COPG2: variants seen among roughly 807,000 people sequenced by gnomAD.
The protein encoded by COPG2 is coatomer subunit gamma-2.
Under a neutral mutation model 46.3 loss-of-function variants are expected in COPG2, and 37 were observed. The ratio of observed to expected loss-of-function variants is 0.80; its 90% CI spans 0.61 to 1.05. COPG2 has a LOEUF of 1.05. COPG2 is among the 50% of genes least tolerant of loss of function. The pLI, the probability that COPG2 is intolerant of heterozygous loss-of-function variation, is 0.00. For missense variants in COPG2, 427 were observed against 387.8 expected, an observed-to-expected ratio of 1.10 and a Z score of -0.85; for synonymous variants, 159 against 129.7, an observed-to-expected ratio of 1.23 and a Z score of -1.53.
rs77156422 is a variant in COPG2 at position 130,662,732 on chromosome 7, G to A, written c.243+235C>T. ...CCACCTTCACAGTGTCATGCCAGAA[G>A]CTAGGTATTAACAGTCTTTATGACT... On this transcript the variant is annotated intron_variant, in intron 4 of 23. Coordinates refer to ENST00000425248, the MANE Select transcript of COPG2 (RefSeq NM_012133.6). Among the ~76,000 whole-genome samples, 433 of 152,302 alleles carry A rather than the reference G, an allele frequency of 2.8e-3. 1 individual carries two copies. The highest frequency in any genetic ancestry group is 9.0e-3 in the African/African-American group (373 of 41,566).
At chr7:130,651,726 C>T (rs1378462519) in intron 5 of COPG2, among the ~76,000 whole-genome samples, 3 of 151,542 alleles carry the variant, frequency 2.0e-5, no homozygotes, top group Non-Finnish European at 2.9e-5. Flanking sequence ...CCTTGTTAGC[C>T]AGGATGGTCT....
intron 12 of COPG2, among the ~76,000 whole-genome samples, chr7:130,556,355 T>C (rs1284374814): frequency 1.3e-5 from 2 of 152,126 alleles, no homozygotes; most frequent in Non-Finnish European, 2.9e-5. Flanking sequence ...TCTTGTATTA[T>C]AGAAAGGGAA....
At chr7:130,606,238 GAA>G (rs1554451218) in intron 9 of COPG2, among the ~76,000 whole-genome samples, 1 of 124,818 alleles carries the variant, frequency 8.0e-6, no homozygotes, top group African/African-American at 3.0e-5. Context: ...ATAAAAAAAA[GAA>G]AGAGAGAGAG....
intron 9 of COPG2, among the ~76,000 whole-genome samples, chr7:130,585,071 A>G (rs1794238084): frequency 1.3e-5 from 2 of 152,170 alleles, no homozygotes; most frequent in South Asian, 2.1e-4. Context: ...AAATTATACT[A>G]TAAGGCCAGA....
At chr7:130,595,067 T>G (rs577598532) in intron 9 of COPG2, among the ~76,000 whole-genome samples, 13 of 152,202 alleles carry the variant, frequency 8.5e-5, no homozygotes, top group Non-Finnish European at 1.6e-4. Flanking sequence ...CACATGACCA[T>G]TTATAGCAGC....
chr7:130,547,847 T>C lies in COPG2; in HGVS notation c.1978-2A>G. 1 of 398,856 alleles carries C rather than the reference T, an allele frequency of 2.5e-6. No individual in the cohort carries two copies. Among genetic ancestry groups the C allele is most frequent in the African/African-American group, 2.1e-5 (1 of 48,716 alleles). 24.7% of individuals were successfully genotyped at this position (398,856 alleles called of 1,614,324 possible). On this transcript the variant is annotated splice_acceptor_variant, in intron 19 of 23. Transcript: ENST00000425248. LOFTEE classifies it high-confidence loss of function. ...ATTGAGAGTGTTGGTGCAGTCAAAC[T>C]GAAAAGTCAGTAAATGGAAAAGCTG...
chr7:130,558,273 TGTTCTTGTGATAGTAA>T (rs1156245446), intron 12 of COPG2, among the ~76,000 whole-genome samples: 1 of 152,152 alleles, frequency 6.6e-6, no homozygotes, highest in Non-Finnish European at 1.5e-5. Context: ...CTGCTGGTGC[TGTTCTTGTGATAGTAA>T]GTTCTTGTGA....
intron 20 of COPG2, among the ~76,000 whole-genome samples, chr7:130,535,841 A>G (rs1370805132): frequency 6.6e-6 from 1 of 152,088 alleles, no homozygotes; most frequent in Non-Finnish European, 1.5e-5. Flanking sequence ...AATACAGGCT[A>G]GAGAAGACAT....
intron 9 of COPG2, among the ~76,000 whole-genome samples, chr7:130,598,321 A>G (rs1033176295): frequency 6.6e-6 from 1 of 152,194 alleles, no homozygotes; most frequent in Non-Finnish European, 1.5e-5. Context: ...AGGGAGCTAG[A>G]GGTAGAAAGG....
intron 5 of COPG2, among the ~76,000 whole-genome samples, chr7:130,640,431 T>TTTATTA (rs1161743261): frequency 6.6e-6 from 1 of 151,126 alleles, no homozygotes; most frequent in Non-Finnish European, 1.5e-5. Flanking sequence ...AGGGTTGTTA[T>TTTATTA]TTATTATTAT....
chr7:130,553,130 G>A (rs1263191377), intron 14 of COPG2, among the ~76,000 whole-genome samples: 1 of 152,134 alleles, frequency 6.6e-6, no homozygotes, highest in Non-Finnish European at 1.5e-5. Flanking sequence ...AAAATAACAC[G>A]TTCGAATGGC....
At position 130,507,728 on chromosome 7, in the gene COPG2, C is replaced by A; in HGVS notation, c.2343G>T (p.Glu781Asp). ...AACTGAGGGCAAAGGTTTCCTCTTT[C>A]TCAAAGGTATCTCCCACCTCTTCCC... Reference protein sequence around the residue: ...AAWEEVGDTFEKEETFALSST... With the variant: ...AAWEEVGDTFDKEETFALSST... The change falls in exon 22 of 24, where the codon GAG (glutamate) becomes GAT (aspartate). Residue 781 changes from glutamate (E) to aspartate (D), a missense_variant. Coordinates refer to ENST00000425248, the MANE Select transcript of COPG2 (RefSeq NM_012133.6). 1 of 780,514 alleles carries A rather than the reference C, an allele frequency of 1.3e-6. No individual in the cohort carries two copies. Among genetic ancestry groups the A allele is most frequent in the East Asian group, 2.4e-5 (1 of 41,228 alleles). 48.3% of individuals were successfully genotyped at this position (780,514 alleles called of 1,614,324 possible). A position where few individuals can be genotyped will look rare whatever the true frequency, so the allele number is the denominator to read the frequency against.
intron 9 of COPG2, among the ~76,000 whole-genome samples, chr7:130,582,893 T>C (rs1255698880): frequency 6.6e-5 from 10 of 151,842 alleles, no homozygotes; most frequent in East Asian, 5.8e-4. Context: ...CTTTTACACG[T>C]TGGTGGGACT....
intron 9 of COPG2, among the ~76,000 whole-genome samples, chr7:130,585,709 A>T (rs1401923363): frequency 2.0e-5 from 3 of 151,654 alleles, no homozygotes; most frequent in Non-Finnish European, 4.4e-5. Context: ...ACGAACATAT[A>T]AAAAAATGCT....
intron 5 of COPG2, among the ~76,000 whole-genome samples, chr7:130,635,981 C>G (rs957359125): frequency 6.6e-6 from 1 of 152,144 alleles, no homozygotes; most frequent in South Asian, 2.1e-4. Context: ...CATTCAGGGG[C>G]AGGTTGTTCA....
intron 4 of COPG2, among the ~76,000 whole-genome samples, chr7:130,661,253 T>C (rs1299298703): frequency 1.3e-5 from 2 of 152,246 alleles, no homozygotes; most frequent in Non-Finnish European, 1.5e-5. Context: ...TTTCTTACTC[T>C]GCTTCCTTTT....
At chr7:130,524,602 C>T (rs983729190) in intron 20 of COPG2, among the ~76,000 whole-genome samples, 7,388 of 152,062 alleles carry the variant, frequency 0.049, 206 homozygotes, top group South Asian at 0.079. Context: ...AGGAGGCATG[C>T]CAGGCGCCAA....
At chr7:130,513,402 TAC>T in intron 20 of COPG2, among the ~76,000 whole-genome samples, 1 of 131,148 alleles carries the variant, frequency 7.6e-6, no homozygotes, top group Admixed American at 8.5e-5. Flanking sequence ...TATATATATA[TAC>T]ACATATACAT....
At chr7:130,637,893 C>T (rs1436181167) in intron 5 of COPG2, among the ~76,000 whole-genome samples, 2 of 152,300 alleles carry the variant, frequency 1.3e-5, no homozygotes, top group African/African-American at 2.4e-5. Context: ...TGGTGACCTT[C>T]AGATGGGGTT....
Sources: allele counts gnomAD v4.1 joint callset (sites outside exome capture counted in the v4.1 genomes callset), GRCh38; gene constraint gnomAD v4.1.1; transcripts MANE v1.5; gene names NCBI Gene and HGNC (gene_info 2026-07-23, HGNC 2026-07-21).